NBAS: variants seen among roughly 807,000 people sequenced by gnomAD.
NBAS encodes NBAS subunit of NRZ tethering complex, also known as NAG/BC035112 fusion.
NBAS carries 219 observed loss-of-function variants against 302.5 expected under a neutral mutation model. That is an observed-to-expected ratio of 0.72 (90% CI 0.65 to 0.81). The LOEUF (loss-of-function observed/expected upper bound fraction) is 0.81. NBAS is among the 30% of genes least tolerant of loss of function. The pLI is 0.00. For synonymous variants in NBAS, 1,118 were observed against 1,021.6 expected, an observed-to-expected ratio of 1.09 and a Z score of -1.80; for missense variants, 2,932 against 2,841.6, an observed-to-expected ratio of 1.03 and a Z score of -0.72.
intron 25 of NBAS, among the ~76,000 whole-genome samples, chr2:15,411,661 T>C (rs749140576): frequency 2.6e-5 from 4 of 152,220 alleles, no homozygotes; most frequent in Admixed American, 6.5e-5. Flanking sequence ...AACAAAGCTA[T>C]GATACCTAGT....
chr2:15,151,111 C>T, the NBAS span, among the ~76,000 whole-genome samples: 257 of 152,300 alleles, frequency 1.7e-3, no homozygotes, highest in South Asian at 6.4e-3. Flanking sequence ...ACTGATAATG[C>T]CTAAGGCATA....
the NBAS span, among the ~76,000 whole-genome samples, chr2:15,122,454 A>C: frequency 1.2e-3 from 181 of 152,102 alleles, 2 homozygotes; most frequent in Non-Finnish European, 2.1e-3. Context: ...TTGAGCAAAA[A>C]CTCGCTCATC....
chr2:15,122,987 G>T, the NBAS span, among the ~76,000 whole-genome samples: 3 of 152,174 alleles, frequency 2.0e-5, no homozygotes, highest in Non-Finnish European at 4.4e-5. Flanking sequence ...AGCAGAGGAT[G>T]TATTCTGGAT....
At chr2:15,106,451 GTCTCTCTCTCTCTC>G in the NBAS span, among the ~76,000 whole-genome samples, 1 of 147,858 alleles carries the variant, frequency 6.8e-6, no homozygotes, top group African/African-American at 2.5e-5. Context: ...CTCTGTCTCT[GTCTCTCTCTCTCTC>G]TCTCTCTCTC....
At chr2:15,234,483 T>A (rs139196278) in intron 46 of NBAS, 62 bp downstream of exon 46, 665 of 1,529,950 alleles carry the variant, frequency 4.3e-4, no homozygotes, top group Admixed American at 2.8e-3. Context: ...GGATGACAGT[T>A]TAGCACCATC....
At chr2:14,911,723 G>T in the NBAS span, among the ~76,000 whole-genome samples, 22 of 152,164 alleles carry the variant, frequency 1.4e-4, no homozygotes, top group Admixed American at 4.6e-4. Context: ...TAGTGTAATG[G>T]TTAAGCACAA....
intron 9 of NBAS, among the ~76,000 whole-genome samples, chr2:15,514,660 A>T (rs937473611): frequency 7.3e-5 from 11 of 151,218 alleles, no homozygotes; most frequent in African/African-American, 2.7e-4. Flanking sequence ...TGTATTAAAA[A>T]CATATAATAT....
In NBAS at chr2:15,534,603, A is replaced by C. The variant is rs1360018012; in HGVS notation, c.686T>G (p.Phe229Cys). The part of the protein sequence containing the change: ...TNQSYQESHC[F>C]SFSSHYPHGI... Reference sequence around the variant, plus strand: ...ATGAGGATAATGACTACTGAAGCTGAAACAGTGACTTTCTTGGTAGCTCTG... The same window carrying C: ...ATGAGGATAATGACTACTGAAGCTGCAACAGTGACTTTCTTGGTAGCTCTG... The change falls in exon 9 of 52, where the codon TTC becomes TGC. Residue 229 changes from phenylalanine to cysteine, a missense_variant. Coordinates refer to ENST00000281513, the MANE Select transcript of NBAS (RefSeq NM_015909.4). 6.2e-7 allele frequency: 1 copy of C among 1,613,822 alleles called. No individual in the cohort carries two copies. The highest frequency in any genetic ancestry group is 1.3e-5 in the African/African-American group (1 of 75,058).
At chr2:15,023,123 T>A in the NBAS span, among the ~76,000 whole-genome samples, 1 of 152,130 alleles carries the variant, frequency 6.6e-6, no homozygotes, top group Non-Finnish European at 1.5e-5. Flanking sequence ...TGTATGCATA[T>A]AGGATGCATT....
At chr2:14,840,701 T>C in the NBAS span, among the ~76,000 whole-genome samples, 1 of 151,834 alleles carries the variant, frequency 6.6e-6, no homozygotes, top group Non-Finnish European at 1.5e-5. Context: ...CAAACGTAAA[T>C]GAGAGAAAAA....
At chr2:15,251,446 T>C (rs1247734694) in intron 44 of NBAS, among the ~76,000 whole-genome samples, 1 of 152,086 alleles carries the variant, frequency 6.6e-6, no homozygotes, top group Non-Finnish European at 1.5e-5. Flanking sequence ...TCCTAGAACT[T>C]GAAGTATAAT....
chr2:15,276,975 A>C lies in NBAS; in HGVS notation c.5265T>G (p.Asp1755Glu). 3 of 1,614,052 alleles carry C rather than the reference A, an allele frequency of 1.9e-6. No homozygotes were observed. The highest frequency in any genetic ancestry group is 2.5e-6 in the Non-Finnish European group (3 of 1,179,978). The stretch of plus-strand genomic sequence containing the variant: ...TGAAATAATACTGCAGCCTTTCGTG[A>C]TCAAAGCCACCAATAGTAGGGTAAA... ...KYIYPTIGGF[D>E]HERLQYYFTL... Residue 1755 changes from aspartate to glutamate, a missense_variant, in exon 43 of 52, where the codon GAT (aspartate) becomes GAG (glutamate). By Grantham distance (45) the Asp-to-Glu change is conservative. Coordinates refer to ENST00000281513, the MANE Select transcript of NBAS (RefSeq NM_015909.4).
chr2:15,358,916 G>T (rs564416713), intron 32 of NBAS, among the ~76,000 whole-genome samples: 26 of 152,258 alleles, frequency 1.7e-4, no homozygotes, highest in Middle Eastern at 3.4e-3. Flanking sequence ...CTGGCATGCG[G>T]GTTATTTCAA....
At chr2:14,961,102 GA>G in the NBAS span, among the ~76,000 whole-genome samples, 2 of 152,258 alleles carry the variant, frequency 1.3e-5, no homozygotes, top group Middle Eastern at 3.4e-3. Flanking sequence ...TGGAGGGGTT[GA>G]CTCTCTGTGG....
the NBAS span, among the ~76,000 whole-genome samples, chr2:14,811,708 G>T: frequency 6.6e-6 from 1 of 152,122 alleles, no homozygotes; most frequent in Admixed American, 6.5e-5. Context: ...ATGAGGGGAA[G>T]AAAGTAAGGT....
At chr2:15,310,591 A>G (rs541803080) in intron 38 of NBAS, among the ~76,000 whole-genome samples, 1 of 152,320 alleles carries the variant, frequency 6.6e-6, no homozygotes, top group African/African-American at 2.4e-5. Context: ...TGTAATTCAA[A>G]GGGCCCAAAT....
In NBAS at chr2:15,236,144, T is replaced by C. The variant is rs544943504; in HGVS notation, c.5944-1397A>G. On this transcript the variant is annotated intron_variant, in intron 45 of 51. Transcript: ENST00000281513. ...AGAGTTTCCTATTATGGGCCATCCA[T>C]AGTCTGACTGAACGGTACTCACAAG... Among the ~76,000 whole-genome samples the C allele has an allele frequency of 8.9e-4, 136 of 152,280 alleles. 2 individuals carry two copies. Among genetic ancestry groups the C allele is most frequent in the Non-Finnish European group, 1.0e-3 (70 of 68,020 alleles).
chr2:14,859,177 G>C, the NBAS span, among the ~76,000 whole-genome samples: 2 of 151,894 alleles, frequency 1.3e-5, no homozygotes, highest in Non-Finnish European at 2.9e-5. Context: ...GATGAAAGGA[G>C]TTGAAGAAGA....
intron 28 of NBAS, among the ~76,000 whole-genome samples, chr2:15,387,206 T>G (rs1675344949): frequency 6.6e-6 from 1 of 152,064 alleles, no homozygotes; most frequent in Non-Finnish European, 1.5e-5. Context: ...TAGCTGGGAC[T>G]ATAGGCACCT....
Sources: gnomAD v4.1 joint callset for allele counts (sites outside exome capture counted in the v4.1 genomes callset) on GRCh38, gnomAD v4.1.1 for gene constraint, MANE v1.5 for transcripts, NCBI Gene and HGNC (gene_info 2026-07-23, HGNC 2026-07-21) for gene names.